IQSEC1: variants seen among roughly 807,000 people sequenced by gnomAD.
IQSEC1 encodes the protein IQ motif and SEC7 domain-containing protein 1.
IQSEC1 carries 31 observed loss-of-function variants against 91.0 expected under a neutral mutation model. The observed-to-expected ratio is 0.34, with a 90% CI of 0.26 to 0.46. The LOEUF (loss-of-function observed/expected upper bound fraction) is 0.46. Ranked by LOEUF, IQSEC1 falls within the 20% of genes least tolerant of loss-of-function variation. The probability of loss-of-function intolerance (pLI) is 1.00; values close to 1 mark genes in which losing one functional copy is unlikely to be tolerated. For synonymous variants in IQSEC1, 699 were observed against 662.6 expected, an observed-to-expected ratio of 1.05 and a Z score of -0.84; for missense variants, 1,388 against 1,575.6, an observed-to-expected ratio of 0.88 and a Z score of 2.02.
At chr3:13,168,702 G>A (rs1317738155) in intron 1 of IQSEC1, among the ~76,000 whole-genome samples, 1 of 152,150 alleles carries the variant, frequency 6.6e-6, no homozygotes, top group African/African-American at 2.4e-5. Context: ...CAGCTCTAGG[G>A]CATTGCTGTT....
intron 1 of IQSEC1, among the ~76,000 whole-genome samples, chr3:13,168,436 C>A (rs940863403): frequency 2.0e-5 from 3 of 152,152 alleles, no homozygotes; most frequent in Non-Finnish European, 4.4e-5. Context: ...CCTCACTTAA[C>A]ACGGATCATA....
Position 13,044,428 on chromosome 3 carries a change from G to A in IQSEC1, c.23+28564C>T, listed in dbSNP as rs150657755. On this transcript the variant is annotated intron_variant, in intron 1 of 13. Coordinates refer to ENST00000613206, the MANE Select transcript of IQSEC1 (RefSeq NM_001134382.3). ...TAGTCACTTTCCCTTGGAGGTACCC[G>A]TCCTGGATGGCTGGAAAGGGAAAGC... Among the ~76,000 whole-genome samples the A allele has an allele frequency of 9.3e-4, 142 of 152,328 alleles. 2 individuals are homozygous for A. The highest frequency in any genetic ancestry group is 3.2e-3 in the African/African-American group (133 of 41,576).
rs1702743192 is a variant in IQSEC1 at position 13,008,724 on chromosome 3, G to A, written c.23+64268C>T. On this transcript the variant is annotated intron_variant, in intron 1 of 13. Coordinates refer to ENST00000613206, the MANE Select transcript of IQSEC1 (RefSeq NM_001134382.3). The surrounding 1 kb of genome is among the most constrained non-coding windows in gnomAD (Gnocchi z 4.1). ...TCCTCACTGCTTTGAGCGGTGCTGG[G>A]CACACAGTCAATATTAGTTGGTCGA... Among the ~76,000 whole-genome samples, 1 of 152,204 alleles carries A rather than the reference G, an allele frequency of 6.6e-6. No individual in the cohort carries two copies. Among genetic ancestry groups the A allele is most frequent in the Admixed American group, 6.5e-5 (1 of 15,280 alleles).
rs942438371 is a variant in IQSEC1, at chr3:12,983,619, C to A, written c.24-41754G>T. Among the ~76,000 whole-genome samples, 5 of 152,162 alleles carry A rather than the reference C, an allele frequency of 3.3e-5. No homozygotes were observed. Among genetic ancestry groups the A allele is most frequent in the Admixed American group, 1.3e-4 (2 of 15,268 alleles). ...CCAGCCCCTGGAGCCCACTCAGCCC[C>A]GATTCCACCTTCTTGGCTCAGCTCC... On this transcript the variant is annotated intron_variant, in intron 1 of 13. Transcript: ENST00000613206. This position sits in a 1 kb window ranked among gnomAD's most constrained non-coding sequence, Gnocchi z 4.3.
chr3:13,196,877 G>A (rs1335027321), intron 1 of IQSEC1, among the ~76,000 whole-genome samples: 1 of 152,044 alleles, frequency 6.6e-6, no homozygotes, highest in African/African-American at 2.4e-5. Flanking sequence ...AGGCCACACA[G>A]GCTTGTCCCA....
intron 2 of IQSEC1, among the ~76,000 whole-genome samples, chr3:13,088,393 TAGTATGCCGAGGCCC>T (rs753947583): frequency 1.1e-4 from 16 of 152,142 alleles, no homozygotes; most frequent in Non-Finnish European, 8.8e-5. Flanking sequence ...AGCACAAGCT[TAGTATGCCGAGGCCC>T]ACCAGCTTCC....
chr3:13,127,307 G>A (rs926387181), intron 2 of IQSEC1, among the ~76,000 whole-genome samples: 7 of 152,064 alleles, frequency 4.6e-5, no homozygotes, highest in Admixed American at 2.0e-4. Context: ...CCAGCTACTT[G>A]GGAGGCTGAG....
intron 1 of IQSEC1, among the ~76,000 whole-genome samples, chr3:13,018,256 G>A (rs1703236598): frequency 1.3e-5 from 2 of 152,192 alleles, no homozygotes; most frequent in African/African-American, 4.8e-5. Flanking sequence ...ATGGCTAATT[G>A]TCCAGGAAGC....
intron 1 of IQSEC1, among the ~76,000 whole-genome samples, chr3:13,005,529 C>T (rs887692269): frequency 1.3e-5 from 2 of 151,622 alleles, no homozygotes; most frequent in East Asian, 2.0e-4. Context: ...AGGCAGGAGG[C>T]GCCTGGACAA....
rs563103132 is a variant in IQSEC1, at chr3:13,282,279, G to A, written c.272+432C>T. Among the ~76,000 whole-genome samples, 12 of 152,178 alleles carry A rather than the reference G, an allele frequency of 7.9e-5. 1 individual carries two copies. The South Asian group carries it at 2.1e-3, about 26-fold the overall frequency. On this transcript the variant is annotated intron_variant, in intron 1 of 15. Coordinates refer to the IQSEC1 transcript ENST00000648114. This position sits in a 1 kb window ranked among gnomAD's most constrained non-coding sequence, Gnocchi z 6.4. ...AAGCGACCCAGGCCCGCTCCAGGGC[G>A]GGATCCGCGCGGCCCGCGACCCCTC... is the stretch of plus-strand genomic sequence containing the variant.
chr3:12,899,162 T>TG lies in IQSEC1; in HGVS notation c.*1820dup. 1 of 574,540 alleles carries TG rather than the reference T, an allele frequency of 1.7e-6. No individual in the cohort carries two copies. Among genetic ancestry groups the TG allele is most frequent in the East Asian group, 2.9e-5 (1 of 35,058 alleles). The allele number at this position is 574,540 out of a possible 1,614,324, so 35.6% of individuals were successfully genotyped here. On this transcript the variant is annotated 3_prime_UTR_variant, in exon 14 of 14. Transcript: ENST00000613206. Reference sequence around the variant, plus strand: ...GTGATCTCAATGATATGACCGAGGGTGGGAGGGATGTGAGGAGGGAAATCG... The same window carrying TG: ...GTGATCTCAATGATATGACCGAGGGTGGGGAGGGATGTGAGGAGGGAAATCG...
intron 1 of IQSEC1, among the ~76,000 whole-genome samples, chr3:13,242,164 G>T (rs2125104295): frequency 6.6e-6 from 1 of 152,278 alleles, no homozygotes; most frequent in East Asian, 1.9e-4. Flanking sequence ...CTGGGCACAT[G>T]GGCAACCAAG....
chr3:13,208,534 A>C (rs1694384848), intron 1 of IQSEC1, among the ~76,000 whole-genome samples: 1 of 152,138 alleles, frequency 6.6e-6, no homozygotes, highest in African/African-American at 2.4e-5. Context: ...CCAGAGCCCA[A>C]GCCCCTCAAA....
intron 1 of IQSEC1, among the ~76,000 whole-genome samples, chr3:13,195,867 T>G (rs957344585): frequency 5.3e-5 from 8 of 152,190 alleles, no homozygotes; most frequent in Non-Finnish European, 1.2e-4. Context: ...ATGGTATCAG[T>G]ATCAATAATA....
intron 3 of IQSEC1, among the ~76,000 whole-genome samples, chr3:12,928,004 A>G (rs748148951): frequency 2.0e-5 from 3 of 152,002 alleles, no homozygotes; most frequent in African/African-American, 4.8e-5. Flanking sequence ...CTTTCTCCCG[A>G]GTGGGCTGAG....
intron 1 of IQSEC1, among the ~76,000 whole-genome samples, chr3:12,968,017 C>T (rs917637791): frequency 6.6e-6 from 1 of 152,228 alleles, no homozygotes; most frequent in South Asian, 2.1e-4. Flanking sequence ...CGCGCGAAGC[C>T]TCTGTTCTGG....
intron 1 of IQSEC1, among the ~76,000 whole-genome samples, chr3:13,007,989 C>G (rs537007306): frequency 6.4e-4 from 98 of 152,324 alleles, no homozygotes; most frequent in African/African-American, 2.2e-3. Context: ...GCAGCTCTGA[C>G]CTTCTAAGCC....
At chr3:12,971,423 A>C (rs1038784148) in intron 1 of IQSEC1, among the ~76,000 whole-genome samples, 10 of 152,226 alleles carry the variant, frequency 6.6e-5, no homozygotes, top group Admixed American at 3.3e-4. Flanking sequence ...GAAAAAGCAG[A>C]ACTCGGGAGG....
chr3:13,022,390 T>G lies in IQSEC1; in HGVS notation c.23+50602A>C, dbSNP rs118031916. ...TCCTGGCCAAGCGGCCCTCACACAC[T>G]AGACCCTGTGGCTTCTGCACAACCT... On this transcript the variant is annotated intron_variant, in intron 1 of 13. Coordinates refer to ENST00000613206, the MANE Select transcript of IQSEC1 (RefSeq NM_001134382.3). 4.9e-4 allele frequency: 550 copies of G among 1,120,036 alleles called. 10 individuals carry two copies. The East Asian group carries it at 0.022, about 44-fold the overall frequency. 69.4% of individuals were successfully genotyped at this position (1,120,036 alleles called of 1,614,324 possible).
Sources: gnomAD v4.1 joint callset for allele counts (sites outside exome capture counted in the v4.1 genomes callset) on GRCh38, gnomAD v4.1.1 for gene constraint, Gnocchi (gnomAD v3.1) non-coding constraint, MANE v1.5 for transcripts, NCBI Gene and HGNC (gene_info 2026-07-23, HGNC 2026-07-21) for gene names.